Variants in SLC16A9 observed in about 807,000 individuals in gnomAD.
SLC16A9 encodes monocarboxylate transporter 9.
SLC16A9 carries 26 observed loss-of-function variants against 44.3 expected under a neutral mutation model. The observed-to-expected ratio is 0.59, with a 90% confidence interval of 0.43 to 0.81. SLC16A9 has a LOEUF of 0.81. Among genes scored for constraint, SLC16A9 ranks in the 40% least tolerant of loss-of-function variants. The pLI is 0.00. For synonymous variants in SLC16A9, 230 were observed against 225.1 expected, an observed-to-expected ratio of 1.02 and a Z score of -0.19; for missense variants, 559 against 595.8, an observed-to-expected ratio of 0.94 and a Z score of 0.64.
intron 4 of SLC16A9, among the ~76,000 whole-genome samples, chr10:59,655,521 T>C (rs957165466): frequency 1.3e-5 from 2 of 151,470 alleles, no homozygotes; most frequent in African/African-American, 4.8e-5. Flanking sequence ...TTTTCATGCA[T>C]TAATACAATT....
intron 1 of SLC16A9, among the ~76,000 whole-genome samples, chr10:59,704,919 G>T (rs562324142): frequency 6.6e-6 from 1 of 152,296 alleles, no homozygotes; most frequent in Middle Eastern, 3.4e-3. Context: ...TATGTTTACT[G>T]TATTACCTTC....
intron 2 of SLC16A9, among the ~76,000 whole-genome samples, chr10:59,673,294 G>A (rs77107015): frequency 0.012 from 1,901 of 152,180 alleles, 51 homozygotes; most frequent in African/African-American, 0.043. Context: ...AATTATAATA[G>A]TACCCACCTG....
chr10:59,678,497 A>G (rs1335737524), intron 2 of SLC16A9, among the ~76,000 whole-genome samples: 1 of 148,456 alleles, frequency 6.7e-6, no homozygotes. Context: ...AAGCTTAACC[A>G]AAACCTGGTC....
intron 2 of SLC16A9, among the ~76,000 whole-genome samples, chr10:59,674,838 G>C (rs149438896): frequency 6.6e-6 from 1 of 152,176 alleles, no homozygotes; most frequent in East Asian, 1.9e-4. Flanking sequence ...CCATGAGGAA[G>C]CCTCAGAGCC....
Position 59,654,577 on chromosome 10 carries a change from C to T in SLC16A9, c.449G>A (p.Gly150Asp). ...LGLISTGSSV[G>D]LFIYAALQRM... is the part of the protein sequence containing the mutation. ...CTGCAGAGCAGCATATATGAAAAGG[C>T]CAACGCTTGAACCTAAAAAGGGAAT... The change falls in exon 5 of 6, where the codon GGC becomes GAC. Residue 150 changes from glycine (G) to aspartate (D), a missense_variant. Transcript: ENST00000395348. The T allele has an allele frequency of 6.3e-7, 1 of 1,579,158 alleles. No homozygotes were observed. The highest frequency in any genetic ancestry group is 8.6e-7 in the Non-Finnish European group (1 of 1,168,266).
At chr10:59,664,440 C>G (rs1006894165) in intron 3 of SLC16A9, 118 bp from the exon 4 acceptor site, 23 of 567,604 alleles carry the variant, frequency 4.1e-5, no homozygotes, top group Non-Finnish European at 6.1e-5. Flanking sequence ...AAAACTGTTA[C>G]AAGTACAGAC....
chr10:59,664,365 CT>C (rs779050176), intron 3 of SLC16A9, 43 bp from the exon 4 acceptor site: 2 of 1,331,832 alleles, frequency 1.5e-6, no homozygotes, highest in Non-Finnish European at 2.1e-6. Context: ...CGCTGCATTA[CT>C]TCAATGCAAG....
At chr10:59,677,838 C>G (rs1345246836) in intron 2 of SLC16A9, among the ~76,000 whole-genome samples, 1 of 151,824 alleles carries the variant, frequency 6.6e-6, no homozygotes, top group Non-Finnish European at 1.5e-5. Flanking sequence ...TAAACTCAAC[C>G]TCCACGCACT....
intron 1 of SLC16A9, among the ~76,000 whole-genome samples, chr10:59,703,098 A>G (rs1357056309): frequency 1.3e-5 from 2 of 152,254 alleles, no homozygotes; most frequent in African/African-American, 2.4e-5. Flanking sequence ...GAAAGGGACA[A>G]TAAATACAGG....
intron 2 of SLC16A9, among the ~76,000 whole-genome samples, chr10:59,681,935 C>T (rs1840035898): frequency 6.7e-6 from 1 of 149,988 alleles, no homozygotes; most frequent in Admixed American, 6.7e-5. Flanking sequence ...TTTTTTTTTC[C>T]CCACCACTTT....
chr10:59,705,321 A>G (rs1371797575), intron 1 of SLC16A9, among the ~76,000 whole-genome samples: 1 of 152,130 alleles, frequency 6.6e-6, no homozygotes, highest in Admixed American at 6.5e-5. Flanking sequence ...TCTATCTAAT[A>G]TTAACAATAA....
At chr10:59,677,957 A>T in intron 2 of SLC16A9, among the ~76,000 whole-genome samples, 1 of 151,838 alleles carries the variant, frequency 6.6e-6, no homozygotes, top group Admixed American at 6.6e-5. Flanking sequence ...ACATATGTAT[A>T]CATGTGCCAT....
chr10:59,707,273 A>G (rs191004184), intron 1 of SLC16A9, among the ~76,000 whole-genome samples: 1 of 88,316 alleles, frequency 1.1e-5, no homozygotes. Context: ...GGGAGGGGAG[A>G]GGAGGGAAGG....
At position 59,672,318 on chromosome 10, in the gene SLC16A9, T is replaced by G. The variant is rs1177420512; in HGVS notation, c.340+452A>C. Among the ~76,000 whole-genome samples the G allele has an allele frequency of 2.0e-5, 3 of 152,324 alleles. No individual in the cohort carries two copies. In the East Asian group the frequency reaches 5.8e-4, roughly 29 times the overall value. ...TCAAATCTACTTTTTACTTGTGCTGTGGCTTTTCACTTGGGTTCACAGCAA... is the reference window on the plus strand; with the variant it reads ...TCAAATCTACTTTTTACTTGTGCTGGGGCTTTTCACTTGGGTTCACAGCAA... On this transcript the variant is annotated intron_variant, in intron 3 of 5. Coordinates refer to ENST00000395348, the MANE Select transcript of SLC16A9 (RefSeq NM_194298.3).
chr10:59,706,922 CAA>C (rs1440794340), intron 1 of SLC16A9, among the ~76,000 whole-genome samples: 1 of 141,666 alleles, frequency 7.1e-6, no homozygotes, highest in Non-Finnish European at 1.5e-5. Flanking sequence ...TGCAGTAAGC[CAA>C]GATTGAGCCA....
chr10:59,673,255 G>C (rs1368496235), intron 2 of SLC16A9, among the ~76,000 whole-genome samples: 2 of 152,094 alleles, frequency 1.3e-5, no homozygotes, highest in African/African-American at 4.8e-5. Flanking sequence ...TGATCATTCT[G>C]TGCCTTAGTT....
intron 2 of SLC16A9, 70 bp from the exon 3 acceptor site, chr10:59,672,983 T>C: frequency 1.4e-6 from 2 of 1,473,220 alleles, no homozygotes; most frequent in Non-Finnish European, 1.8e-6. Context: ...AATGATTCTT[T>C]CCACCATAAA....
intron 1 of SLC16A9, among the ~76,000 whole-genome samples, chr10:59,703,433 T>C (rs1313875025): frequency 6.6e-6 from 1 of 152,206 alleles, no homozygotes; most frequent in African/African-American, 2.4e-5. Flanking sequence ...AAAAGGATAT[T>C]TTTTAATCTT....
chr10:59,694,635 T>C (rs903538356), intron 1 of SLC16A9, among the ~76,000 whole-genome samples: 4 of 151,038 alleles, frequency 2.6e-5, no homozygotes, highest in Non-Finnish European at 5.9e-5. Flanking sequence ...ACCCCATCTC[T>C]ACTAAAAATA....
Sources: allele counts gnomAD v4.1 joint callset (sites outside exome capture counted in the v4.1 genomes callset), GRCh38; gene constraint gnomAD v4.1.1; transcripts MANE v1.5; gene names NCBI Gene and HGNC (gene_info 2026-07-23, HGNC 2026-07-21).